The following QDPR variants were observed in gnomAD, a reference collection of about 807,000 sequenced individuals.
QDPR encodes dihydropteridine reductase.
In QDPR, 23 loss-of-function variants were observed where a neutral mutation model predicts 31.7. That is an observed-to-expected ratio of 0.73 (90% CI 0.52 to 1.03). The LOEUF (loss-of-function observed/expected upper bound fraction) is 1.03. Ranked by LOEUF, QDPR falls within the 50% of genes least tolerant of loss-of-function variation. The pLI is 0.00. For missense variants in QDPR, 324 were observed against 323.8 expected (o/e 1.00, Z 0.00); for synonymous variants, 124 against 124.7 (o/e 0.99, Z 0.03).
At chr4:17,488,853 G>A (rs549775644) in intron 6 of QDPR, among the ~76,000 whole-genome samples, 28 of 152,152 alleles carry the variant, frequency 1.8e-4, no homozygotes, top group Admixed American at 3.3e-4. Flanking sequence ...AAAACAAAGC[G>A]TTGCTAAAAC....
intron 4 of QDPR, among the ~76,000 whole-genome samples, chr4:17,494,870 C>A (rs1283092548): frequency 2.0e-5 from 3 of 152,176 alleles, no homozygotes; most frequent in Non-Finnish European, 4.4e-5. Flanking sequence ...GGAGTGGTAA[C>A]TCAGATCACA....
At chr4:17,490,624 G>A (rs1398369504) in intron 6 of QDPR, 38 bp downstream of exon 6, 16 of 1,521,112 alleles carry the variant, frequency 1.1e-5, no homozygotes, top group South Asian at 2.3e-5. Context: ...AATAGGGGCT[G>A]GAAGCTGCTC....
At chr4:17,506,399 G>A (rs963588706) in intron 2 of QDPR, among the ~76,000 whole-genome samples, 11 of 152,180 alleles carry the variant, frequency 7.2e-5, no homozygotes, top group African/African-American at 2.7e-4. Context: ...CTGAAGTGCT[G>A]GGACTACTGG....
intron 4 of QDPR, among the ~76,000 whole-genome samples, chr4:17,500,637 C>T (rs1179315966): frequency 6.6e-6 from 1 of 152,210 alleles, no homozygotes; most frequent in African/African-American, 2.4e-5. Context: ...GCCAGCCCTG[C>T]AGATACCTTG....
At chr4:17,493,743 T>G (rs1332239521) in intron 4 of QDPR, among the ~76,000 whole-genome samples, 1 of 152,130 alleles carries the variant, frequency 6.6e-6, no homozygotes, top group Non-Finnish European at 1.5e-5. Context: ...TTATCACATC[T>G]GTAAGTTTTT....
In QDPR at chr4:17,509,127, C is replaced by T. The variant is rs543756983; in HGVS notation, c.198+144G>A. On this transcript the variant is annotated intron_variant, in intron 2 of 6. Coordinates refer to ENST00000281243, the MANE Select transcript of QDPR (RefSeq NM_000320.3). ...GAACGGAGATCATGCCACTGCACTC[C>T]AGCCTGGGCGACAGAGCAAGACTCC... 8.7e-5 allele frequency: 60 copies of T among 691,858 alleles called. No individual in the cohort carries two copies. The African/African-American group carries it at 1.0e-3, about 12-fold the overall frequency. The allele number at this position is 691,858 out of a possible 1,614,324, so 42.9% of individuals were successfully genotyped here. A position where few individuals can be genotyped will look rare whatever the true frequency, so the allele number is the denominator to read the frequency against.
At chr4:17,501,464 CAGAT>C (rs1324345319) in intron 4 of QDPR, among the ~76,000 whole-genome samples, 7 of 150,552 alleles carry the variant, frequency 4.6e-5, no homozygotes, top group Non-Finnish European at 8.9e-5. Context: ...GTGTAGATCA[CAGAT>C]AAATAAACTA....
chr4:17,500,530 T>C (rs903223002), intron 4 of QDPR, among the ~76,000 whole-genome samples: 1 of 152,098 alleles, frequency 6.6e-6, no homozygotes, highest in African/African-American at 2.4e-5. Flanking sequence ...CTGGTTTCCT[T>C]AGAAGAGGAG....
intron 2 of QDPR, among the ~76,000 whole-genome samples, chr4:17,506,042 C>A (rs1263710941): frequency 6.6e-6 from 1 of 152,180 alleles, no homozygotes; most frequent in Non-Finnish European, 1.5e-5. Context: ...ACTGAAGAGA[C>A]ACCAATTACA....
At chr4:17,500,604 T>TA (rs1258064438) in intron 4 of QDPR, among the ~76,000 whole-genome samples, 2 of 152,100 alleles carry the variant, frequency 1.3e-5, no homozygotes, top group Non-Finnish European at 1.5e-5. Context: ...CAGCCATCTA[T>TA]AAAAAAAGAG....
intron 3 of QDPR, among the ~76,000 whole-genome samples, chr4:17,503,712 G>A (rs1718650380): frequency 6.6e-6 from 1 of 152,232 alleles, no homozygotes; most frequent in Admixed American, 6.5e-5. Flanking sequence ...CACTTTGGGA[G>A]GCTGAAGGGG....
At position 17,496,817 on chromosome 4, in the gene QDPR, C is replaced by T. The variant is rs193138887; in HGVS notation, c.437-4477G>A. On this transcript the variant is annotated intron_variant, in intron 4 of 6. Transcript: ENST00000281243. ...TGTCACCCAGACTGGAGTGCAGTGG[C>T]GCAATCTCGGCTCACTGCAACCACC... Among the ~76,000 whole-genome samples the T allele has an allele frequency of 6.2e-4, 95 of 152,014 alleles. 1 individual carries two copies. Among genetic ancestry groups the T allele is most frequent in the Non-Finnish European group, 5.7e-4 (39 of 67,976 alleles).
At chr4:17,505,681 A>T (rs976482889) in intron 2 of QDPR, among the ~76,000 whole-genome samples, 3 of 152,134 alleles carry the variant, frequency 2.0e-5, no homozygotes, top group Non-Finnish European at 2.9e-5. Flanking sequence ...ACAAGACCTC[A>T]TCTCTACATT....
chr4:17,505,472 C>T (rs1281714685), intron 2 of QDPR, among the ~76,000 whole-genome samples: 2 of 152,154 alleles, frequency 1.3e-5, no homozygotes, highest in Non-Finnish European at 2.9e-5. Flanking sequence ...GTCTCGAACT[C>T]CTGACCTCAG....
chr4:17,505,490 G>A (rs1224619229), intron 2 of QDPR, among the ~76,000 whole-genome samples: 2 of 152,042 alleles, frequency 1.3e-5, no homozygotes, highest in East Asian at 3.9e-4. Context: ...CAGGTGATTC[G>A]CCTGCCTCGG....
In QDPR at chr4:17,486,869, C is replaced by T; in HGVS notation, c.*262G>A. 1 of 501,740 alleles carries T rather than the reference C, an allele frequency of 2.0e-6. No individual in the cohort carries two copies. The allele number at this position is 501,740 out of a possible 1,614,324, so 31.1% of individuals were successfully genotyped here. On this transcript the variant is annotated 3_prime_UTR_variant, in exon 7 of 7. Transcript: ENST00000281243. ...GCGATCCAACATGACACCGCTATAGCAGGTGCTATGCAGAGCCCTCCCTAT... is the reference window on the plus strand; with the variant it reads ...GCGATCCAACATGACACCGCTATAGTAGGTGCTATGCAGAGCCCTCCCTAT...
chr4:17,511,937 C>T lies in QDPR; in HGVS notation c.105+13G>A. On this transcript the variant is annotated intron_variant, in intron 1 of 6. Transcript: ENST00000281243. ...CCCCGCGGAGACCCAGCAGCCCCAGCCCGCAGCATTACCCAGTTGCGGGCC... is the reference window on the plus strand; with the variant it reads ...CCCCGCGGAGACCCAGCAGCCCCAGTCCGCAGCATTACCCAGTTGCGGGCC... The T allele has an allele frequency of 6.2e-7, 1 of 1,608,710 alleles. No individual in the cohort carries two copies.
Position 17,504,419 on chromosome 4 carries a change from G to A in QDPR, c.255C>T (p.Cys85=), listed in dbSNP as rs12645938. The change falls in exon 3 of 7, where the codon TGC becomes TGT. Residue 85 remains cysteine, a synonymous_variant. Coordinates refer to ENST00000281243, the MANE Select transcript of QDPR (RefSeq NM_000320.3). ...LGEEKVDAIL[C]VAGGWAGGNA... ...TGCCCCCGGCCCATCCTCCAGCAAC[G>A]CAAAGAATTGCATCCACCTTCTCTT... 0.044 allele frequency: 71,761 copies of A among 1,614,008 alleles called. 1,794 individuals carry two copies. Among genetic ancestry groups the A allele is most frequent in the East Asian group, 0.071 (3,198 of 44,872 alleles).
intron 5 of QDPR, among the ~76,000 whole-genome samples, chr4:17,491,897 C>T (rs1242268497): frequency 1.3e-5 from 2 of 152,102 alleles, no homozygotes; most frequent in Non-Finnish European, 2.9e-5. Context: ...AGCCCATTTG[C>T]CCCTTCCACC....
Sources: allele counts gnomAD v4.1 joint callset (sites outside exome capture counted in the v4.1 genomes callset), GRCh38; gene constraint gnomAD v4.1.1; transcripts MANE v1.5; gene names NCBI Gene and HGNC (gene_info 2026-07-23, HGNC 2026-07-21).